PXT1: variants seen among roughly 807,000 people sequenced by gnomAD.
The protein encoded by PXT1 is peroxisomal testis-specific protein 1.
A neutral mutation model predicts 11.0 loss-of-function variants in PXT1; 11 were observed. The observed-to-expected ratio is 1.00, with a 90% confidence interval of 0.63 to 1.66. The LOEUF is 1.66. Ranked by LOEUF, PXT1 falls within the 40% of genes most tolerant of loss-of-function variation. The pLI is 0.00. For synonymous variants in PXT1, 43 were observed against 51.4 expected (o/e 0.84, Z 0.70); for missense variants, 141 against 155.5 (o/e 0.91, Z 0.49).
intron 1 of PXT1, among the ~76,000 whole-genome samples, chr6:36,439,591 C>T (rs1298585578): frequency 7.0e-6 from 1 of 142,186 alleles, no homozygotes; most frequent in Non-Finnish European, 1.5e-5. Context: ...CAAGCCTGGG[C>T]GACAGAGGGA....
chr6:36,429,503 C>CTTTTTTT (rs1774658180), intron 2 of PXT1, among the ~76,000 whole-genome samples: 1 of 104,254 alleles, frequency 9.6e-6, no homozygotes, highest in Non-Finnish European at 1.8e-5. Context: ...TTCTTTTTTT[C>CTTTTTTT]TTTTCTTTTT....
At chr6:36,432,225 G>A (rs147474735) in intron 2 of PXT1, among the ~76,000 whole-genome samples, 2,084 of 152,242 alleles carry the variant, frequency 0.014, 45 homozygotes, top group African/African-American at 0.045. Context: ...GAATTAGCCT[G>A]GAGGGAGGAT....
intron 3 of PXT1, among the ~76,000 whole-genome samples, chr6:36,402,548 A>T (rs751113788): frequency 2.6e-5 from 4 of 152,222 alleles, no homozygotes; most frequent in Non-Finnish European, 4.4e-5. Flanking sequence ...TCTGAAACGA[A>T]GTAGGTGATA....
At chr6:36,435,413 A>C (rs1013790936) in intron 2 of PXT1, among the ~76,000 whole-genome samples, 1 of 151,714 alleles carries the variant, frequency 6.6e-6, no homozygotes, top group Admixed American at 6.6e-5. Context: ...TTTTTTTTTT[A>C]ATTAGCTGGA....
At chr6:36,413,194 G>T (rs149662468) in intron 3 of PXT1, among the ~76,000 whole-genome samples, 1 of 152,014 alleles carries the variant, frequency 6.6e-6, no homozygotes, top group Non-Finnish European at 1.5e-5. Flanking sequence ...CGAGGTGGGC[G>T]GATCACGAGG....
intron 2 of PXT1, among the ~76,000 whole-genome samples, chr6:36,426,314 TG>T (rs1285690330): frequency 6.7e-6 from 1 of 150,138 alleles, no homozygotes; most frequent in African/African-American, 2.4e-5. Context: ...TACACCGGCC[TG>T]CATCCTTATC....
At chr6:36,428,394 G>A (rs563303278) in intron 2 of PXT1, among the ~76,000 whole-genome samples, 3 of 144,436 alleles carry the variant, frequency 2.1e-5, no homozygotes, top group East Asian at 2.0e-4. Flanking sequence ...GCACTGAGCC[G>A]AGATCGCGAC....
chr6:36,416,568 T>C (rs1774451451), intron 3 of PXT1, among the ~76,000 whole-genome samples: 1 of 152,252 alleles, frequency 6.6e-6, no homozygotes, highest in Admixed American at 6.5e-5. Context: ...AGTCACTTTC[T>C]GACTTCCTGT....
intron 3 of PXT1, among the ~76,000 whole-genome samples, chr6:36,415,389 A>G (rs1192965014): frequency 6.6e-6 from 1 of 152,180 alleles, no homozygotes; most frequent in Non-Finnish European, 1.5e-5. Flanking sequence ...GGCTGCAGTG[A>G]GCCGAGATCG....
At chr6:36,420,581 A>G (rs1774509963) in intron 3 of PXT1, among the ~76,000 whole-genome samples, 1 of 152,192 alleles carries the variant, frequency 6.6e-6, no homozygotes. Flanking sequence ...AACTGAGCAG[A>G]TGGGGGACAA....
At chr6:36,440,928 C>T (rs908482592) in intron 1 of PXT1, among the ~76,000 whole-genome samples, 1 of 151,858 alleles carries the variant, frequency 6.6e-6, no homozygotes, top group African/African-American at 2.4e-5. Context: ...TAATAAGACT[C>T]GGTAGTTAGC....
chr6:36,424,901 C>T (rs1774582118), intron 3 of PXT1, among the ~76,000 whole-genome samples: 1 of 151,904 alleles, frequency 6.6e-6, no homozygotes, highest in African/African-American at 2.4e-5. Flanking sequence ...ACCTGGGCGA[C>T]AAAGTGAGAC....
chr6:36,394,725 T>TAA lies in PXT1; in HGVS notation c.301-2853_301-2852dup, dbSNP rs34695848. ...CTAGAAAAAGCATATGTCCCGGGTT[T>TAA]AAAAAAAAAACTGAATTAAAAAAAA... On this transcript the variant is annotated intron_variant, in intron 4 of 4. Coordinates refer to ENST00000454782, the MANE Select transcript of PXT1 (RefSeq NM_152990.4). 7.7e-4 allele frequency among the ~76,000 whole-genome samples: 114 copies of TAA among 148,402 alleles called. 2 individuals carry two copies. The highest frequency in any genetic ancestry group is 3.1e-3 in the East Asian group (16 of 5,134).
At chr6:36,423,796 G>C (rs1011520545) in intron 3 of PXT1, among the ~76,000 whole-genome samples, 2 of 152,186 alleles carry the variant, frequency 1.3e-5, no homozygotes, top group Admixed American at 1.3e-4. Flanking sequence ...CACTTTATTG[G>C]AAGATCCCTG....
intron 4 of PXT1, chr6:36,393,003 C>T (rs1774091599): frequency 6.6e-6 from 1 of 152,018 alleles, no homozygotes; most frequent in Admixed American, 6.6e-5. Flanking sequence ...CAGAATTTCG[C>T]TCTTGTTGAC....
chr6:36,431,499 G>A (rs1252549736), intron 2 of PXT1, among the ~76,000 whole-genome samples: 2 of 152,178 alleles, frequency 1.3e-5, no homozygotes, highest in African/African-American at 4.8e-5. Flanking sequence ...CAGCACGGTG[G>A]CTCATGCCTG....
intron 2 of PXT1, among the ~76,000 whole-genome samples, chr6:36,433,395 C>A (rs1774719638): frequency 6.6e-6 from 1 of 151,922 alleles, no homozygotes; most frequent in South Asian, 2.1e-4. Context: ...AAGAGAATGA[C>A]CTTGGAGATT....
intron 2 of PXT1, among the ~76,000 whole-genome samples, chr6:36,433,441 A>G (rs1303254432): frequency 2.6e-5 from 4 of 152,158 alleles, no homozygotes; most frequent in Non-Finnish European, 5.9e-5. Flanking sequence ...AAGATTCTAC[A>G]AGAAAACTGC....
chr6:36,404,039 G>A (rs1774253028), intron 3 of PXT1, among the ~76,000 whole-genome samples: 1 of 152,164 alleles, frequency 6.6e-6, no homozygotes, highest in Admixed American at 6.5e-5. Flanking sequence ...GTTTATAAGG[G>A]TGATGACAGG....
Sources: gnomAD v4.1 joint callset for allele counts (sites outside exome capture counted in the v4.1 genomes callset) on GRCh38, gnomAD v4.1.1 for gene constraint, MANE v1.5 for transcripts, NCBI Gene and HGNC (gene_info 2026-07-23, HGNC 2026-07-21) for gene names.